The following PCDH9 variants were observed in gnomAD, a reference collection of about 807,000 sequenced individuals.
PCDH9 encodes protocadherin 9.
A neutral mutation model predicts 70.6 loss-of-function variants in PCDH9; 24 were observed. The observed-to-expected ratio is 0.34, with a 90% CI of 0.25 to 0.48. The LOEUF (loss-of-function observed/expected upper bound fraction) is 0.48. Among genes scored for constraint, PCDH9 ranks in the 20% least tolerant of loss-of-function variants. PCDH9 has a pLI of 0.99. For missense variants in PCDH9, 1,281 were observed against 1,503.6 expected (o/e 0.85, Z 2.45); for synonymous variants, 562 against 558.5 (o/e 1.01, Z -0.09).
At chr13:67,145,854 AAAG>A (rs2087510808) in intron 2 of PCDH9, among the ~76,000 whole-genome samples, 1 of 152,066 alleles carries the variant, frequency 6.6e-6, no homozygotes, top group Non-Finnish European at 1.5e-5. Context: ...TCAAACTTCA[AAAG>A]AGATGATATA....
chr13:66,857,340 T>C (rs1447469081), intron 3 of PCDH9, among the ~76,000 whole-genome samples: 1 of 152,138 alleles, frequency 6.6e-6, no homozygotes, highest in Non-Finnish European at 1.5e-5. Context: ...CATTGGTACA[T>C]TTGGTTTACT....
chr13:66,890,838 T>C (rs551652853), intron 3 of PCDH9, among the ~76,000 whole-genome samples: 18 of 152,268 alleles, frequency 1.2e-4, no homozygotes, highest in African/African-American at 4.3e-4. Context: ...GAATAAAATC[T>C]TCCTTGTCTG....
At chr13:66,629,811 A>G (rs1311338665) in intron 4 of PCDH9, among the ~76,000 whole-genome samples, 2 of 152,192 alleles carry the variant, frequency 1.3e-5, no homozygotes, top group Admixed American at 6.5e-5. Flanking sequence ...ATGAGAAGAG[A>G]TTTCCAAAGA....
chr13:66,389,951 A>G (rs534963254), intron 4 of PCDH9, among the ~76,000 whole-genome samples: 1 of 152,324 alleles, frequency 6.6e-6, no homozygotes, highest in East Asian at 1.9e-4. Context: ...GGTACCACAT[A>G]GACACACACA....
intron 4 of PCDH9, among the ~76,000 whole-genome samples, chr13:66,570,520 T>C (rs1338634959): frequency 6.6e-6 from 1 of 152,160 alleles, no homozygotes; most frequent in Admixed American, 6.5e-5. Flanking sequence ...TTGCAAAATG[T>C]TACCATTGTG....
At chr13:67,218,836 GCTT>G (rs1476702193) in intron 2 of PCDH9, 1 of 151,878 alleles carries the variant, frequency 6.6e-6, no homozygotes, top group Non-Finnish European at 1.5e-5. Flanking sequence ...CCTTGACTGT[GCTT>G]CTATCTTTGC....
chr13:66,394,939 G>C (rs968038720), intron 4 of PCDH9, among the ~76,000 whole-genome samples: 12 of 152,154 alleles, frequency 7.9e-5, no homozygotes, highest in Non-Finnish European at 1.6e-4. Flanking sequence ...GATAAGATGG[G>C]AGTATATATA....
intron 3 of PCDH9, among the ~76,000 whole-genome samples, chr13:66,824,711 T>C (rs1165679031): frequency 7.1e-6 from 1 of 141,486 alleles, no homozygotes; most frequent in Non-Finnish European, 1.5e-5. Flanking sequence ...CACACACATA[T>C]ATATATACAC....
chr13:66,941,337 A>G (rs970207073), intron 2 of PCDH9, among the ~76,000 whole-genome samples: 1 of 151,860 alleles, frequency 6.6e-6, no homozygotes, highest in Admixed American at 6.6e-5. Context: ...AGTCTGAAAA[A>G]GCAAAAAAAT....
chr13:66,810,397 A>G (rs959020392), intron 3 of PCDH9, among the ~76,000 whole-genome samples: 1 of 152,020 alleles, frequency 6.6e-6, no homozygotes, highest in Non-Finnish European at 1.5e-5. Flanking sequence ...CAGCCATCTC[A>G]TTTATTAGTT....
At chr13:66,593,343 A>T (rs540395368) in intron 4 of PCDH9, among the ~76,000 whole-genome samples, 38 of 151,830 alleles carry the variant, frequency 2.5e-4, no homozygotes, top group African/African-American at 8.9e-4. Flanking sequence ...CATGGAATGC[A>T]ATGAATTGAT....
intron 4 of PCDH9, among the ~76,000 whole-genome samples, chr13:66,362,192 A>G (rs1356038229): frequency 6.6e-6 from 1 of 152,152 alleles, no homozygotes; most frequent in Admixed American, 6.5e-5. Flanking sequence ...AAATAGATAG[A>G]GTACCTGTAT....
chr13:66,658,599 A>C (rs1435876889), intron 3 of PCDH9, among the ~76,000 whole-genome samples: 2 of 152,174 alleles, frequency 1.3e-5, no homozygotes, highest in East Asian at 3.8e-4. Flanking sequence ...ACACAATTTA[A>C]ACACTCATTT....
intron 3 of PCDH9, among the ~76,000 whole-genome samples, chr13:66,767,130 C>T (rs976361662): frequency 2.0e-5 from 3 of 151,846 alleles, no homozygotes; most frequent in African/African-American, 7.3e-5. Context: ...AGAAAGTTTG[C>T]GTCAATCTGA....
At chr13:67,113,305 C>G (rs968033518) in intron 2 of PCDH9, among the ~76,000 whole-genome samples, 27 of 152,116 alleles carry the variant, frequency 1.8e-4, no homozygotes, top group African/African-American at 6.5e-4. Context: ...AAAAATATTT[C>G]TAACTATGTA....
chr13:67,056,331 A>G (rs1297377147), intron 2 of PCDH9, among the ~76,000 whole-genome samples: 1 of 144,814 alleles, frequency 6.9e-6, no homozygotes, highest in Non-Finnish European at 1.5e-5. Context: ...TGACCTGATA[A>G]CATCTATCTA....
chr13:66,947,036 T>G (rs1326139306), intron 2 of PCDH9, among the ~76,000 whole-genome samples: 1 of 152,174 alleles, frequency 6.6e-6, no homozygotes, highest in Non-Finnish European at 1.5e-5. Flanking sequence ...GCAATTAAAC[T>G]GGATTGACTT....
intron 3 of PCDH9, among the ~76,000 whole-genome samples, chr13:66,765,701 T>C (rs2079704553): frequency 6.6e-6 from 1 of 152,088 alleles, no homozygotes; most frequent in Non-Finnish European, 1.5e-5. Flanking sequence ...CTTTCAAATG[T>C]TGTACTTCAA....
intron 4 of PCDH9, among the ~76,000 whole-genome samples, chr13:66,449,211 T>G (rs17581907): frequency 0.054 from 8,155 of 152,166 alleles, 297 homozygotes; most frequent in Non-Finnish European, 0.072. Context: ...TATTTGAACA[T>G]GTAGCCAGGA....
Sources: gnomAD v4.1 joint callset for allele counts (sites outside exome capture counted in the v4.1 genomes callset) on GRCh38, gnomAD v4.1.1 for gene constraint, MANE v1.5 for transcripts, NCBI Gene and HGNC (gene_info 2026-07-23, HGNC 2026-07-21) for gene names.